Variants in ZNF616 observed in about 807,000 individuals in gnomAD.
The protein encoded by ZNF616 is zinc finger protein 616.
In ZNF616, 5 loss-of-function variants were observed where a neutral mutation model predicts 7.6. The observed-to-expected ratio is 0.66, with a 90% CI of 0.34 to 1.38. The LOEUF (loss-of-function observed/expected upper bound fraction) is 1.38, where lower values mean the gene tolerates loss of function less well. Ranked by LOEUF, ZNF616 falls within the 40% of genes most tolerant of loss-of-function variation. The pLI is 0.04. For missense variants in ZNF616, 913 were observed against 948.3 expected (o/e 0.96, Z 0.49); for synonymous variants, 319 against 317.2 (o/e 1.01, Z -0.06).
chr19:52,125,268 G>C (rs1407029275), intron 2 of ZNF616, among the ~76,000 whole-genome samples: 1 of 152,172 alleles, frequency 6.6e-6, no homozygotes, highest in African/African-American at 2.4e-5. Context: ...AGATATGGGT[G>C]AGACTCAAAA....
rs548933491 is a variant in ZNF616 at position 52,139,417 on chromosome 19, G to C, written c.-77+315C>G. On this transcript the variant is annotated intron_variant, in intron 1 of 3. Transcript: ENST00000600228. This position sits in a 1 kb window ranked among gnomAD's most constrained non-coding sequence, Gnocchi z 4.1. ...AGGACACTAGGTGGCGCGGGGGACG[G>C]TGTCTCAGGACAGGGAGGGTCTGCA... 1.8e-4 allele frequency among the ~76,000 whole-genome samples: 28 copies of C among 152,248 alleles called. No homozygotes were observed. The highest frequency in any genetic ancestry group is 6.7e-4 in the African/African-American group (28 of 41,528).
In ZNF616 at chr19:52,123,978, C is replaced by T; in HGVS notation, c.84G>A (p.Gln28=). 6.2e-7 allele frequency: 1 copy of T among 1,614,122 alleles called. No homozygotes were observed. The highest frequency in any genetic ancestry group is 1.3e-5 in the African/African-American group (1 of 75,048). The change falls in exon 3 of 4, where the codon CAG becomes CAA. Residue 28 remains glutamine, a synonymous_variant. Transcript: ENST00000600228. ...QEEWKCLEPV[Q]KALYKDVMLE... ...ACATCACATCCTTGTACAAAGCTTTCTGCACAGGCTCCAGGCATTTCCACT... is the reference window on the plus strand; with the variant it reads ...ACATCACATCCTTGTACAAAGCTTTTTGCACAGGCTCCAGGCATTTCCACT...
intron 1 of ZNF616, among the ~76,000 whole-genome samples, chr19:52,133,275 T>C (rs1487598125): frequency 6.6e-6 from 1 of 152,160 alleles, no homozygotes; most frequent in African/African-American, 2.4e-5. Context: ...AAGGAAACGA[T>C]AAGCTTTAGG....
At position 52,116,546 on chromosome 19, in the gene ZNF616, T is replaced by C. The variant is rs748000428; in HGVS notation, c.618A>G (p.Ile206Met). 2.3e-5 allele frequency: 37 copies of C among 1,614,024 alleles called. No homozygotes were observed. The highest frequency in any genetic ancestry group is 3.1e-5 in the Non-Finnish European group (37 of 1,180,030). ...ATTTGTAAGGTTTCTCTGTAGTATG[T>C]ATCCTCTGATGATTAATAAGGCTGG... ...ASSSLINHQR[I>M]HTTEKPYKCN... Residue 206 changes from isoleucine to methionine, a missense_variant, in exon 4 of 4, where the codon ATA (isoleucine) becomes ATG (methionine). Physicochemically the swap from Ile to Met is conservative, Grantham distance 10 (BLOSUM62 1). Transcript: ENST00000600228.
chr19:52,131,351 A>G (rs927304247), intron 1 of ZNF616, among the ~76,000 whole-genome samples: 3 of 151,924 alleles, frequency 2.0e-5, no homozygotes, highest in African/African-American at 7.3e-5. Flanking sequence ...TGGAAGGAGA[A>G]TCTCTATAAG....
At chr19:52,126,216 CT>C (rs1281442384) in intron 2 of ZNF616, among the ~76,000 whole-genome samples, 1 of 152,174 alleles carries the variant, frequency 6.6e-6, no homozygotes, top group African/African-American at 2.4e-5. Flanking sequence ...CAATTTACAT[CT>C]TGGCTTTGAA....
Position 52,116,405 on chromosome 19 carries a change from AT to A in ZNF616, c.758del (p.Asn253IlefsTer5). 1 of 1,611,728 alleles carries A rather than the reference AT, an allele frequency of 6.2e-7. No individual in the cohort carries two copies. Among genetic ancestry groups the A allele is most frequent in the Non-Finnish European group, 8.5e-7 (1 of 1,179,374 alleles). ...CDVCGKIFRKNSYFVRHQRSH... is the reference protein window; with the variant it reads ...CDVCGKIFRKXSYFVRHQRSH... ...TCCTTTGGTGTCTTACAAAATATGA[AT>A]TTTTTCTGAAGATCTTGCCACATAC... On this transcript the variant is annotated frameshift_variant, in exon 4 of 4. Coordinates refer to ENST00000600228, the MANE Select transcript of ZNF616 (RefSeq NM_178523.5). LOFTEE classifies it low-confidence loss of function (END_TRUNC).
At chr19:52,125,120 CA>C (rs2122156406) in intron 2 of ZNF616, among the ~76,000 whole-genome samples, 1 of 152,304 alleles carries the variant, frequency 6.6e-6, no homozygotes, top group South Asian at 2.1e-4. Context: ...CACAGCATTC[CA>C]TCTTGCCCCA....
chr19:52,116,482 G>A lies in ZNF616; in HGVS notation c.682C>T (p.Leu228=), dbSNP rs754268086. The part of the protein sequence containing the change: ...CGKAFHRASL[L]TVHKVVHTRG... ...GTATGGACTACCTTGTGTACAGTTA[G>A]TAGTGAGGCCCGATGAAAGGCTTTG... is the stretch of plus-strand genomic sequence containing the variant. The change falls in exon 4 of 4, where the codon CTA becomes TTA. Residue 228 remains leucine (L), a synonymous_variant. Coordinates refer to ENST00000600228, the MANE Select transcript of ZNF616 (RefSeq NM_178523.5). 6.2e-6 allele frequency: 10 copies of A among 1,613,988 alleles called. No individual in the cohort carries two copies. The highest frequency in any genetic ancestry group is 1.1e-5 in the South Asian group (1 of 91,084).
chr19:52,115,627 T>C lies in ZNF616; in HGVS notation c.1537A>G (p.Arg513Gly). The C allele has an allele frequency of 6.2e-7, 1 of 1,613,962 alleles. No individual in the cohort carries two copies. Among genetic ancestry groups the C allele is most frequent in the Non-Finnish European group, 8.5e-7 (1 of 1,179,958 alleles). ...SQHSRLAVHR[R>G]IHTGEKPYKC... Reference sequence around the variant, plus strand: ...TAAGGTTTCTCTCCAGTATGAATTCTCCGATGCACTGCAAGACGTGAATGT... The same window carrying C: ...TAAGGTTTCTCTCCAGTATGAATTCCCCGATGCACTGCAAGACGTGAATGT... Residue 513 changes from arginine (R) to glycine (G), a missense_variant, in exon 4 of 4, where the codon AGA becomes GGA. Transcript: ENST00000600228.
intron 2 of ZNF616, among the ~76,000 whole-genome samples, chr19:52,129,984 T>G (rs1214960862): frequency 6.6e-6 from 1 of 152,108 alleles, no homozygotes; most frequent in African/African-American, 2.4e-5. Context: ...GGTTTCACCA[T>G]GTTGGCTCAA....
At chr19:52,137,048 T>C (rs1273910915) in intron 1 of ZNF616, among the ~76,000 whole-genome samples, 2 of 78,836 alleles carry the variant, frequency 2.5e-5, no homozygotes, top group Non-Finnish European at 5.0e-5. Context: ...TATATTTATG[T>C]ATGTGTATAT....
At chr19:52,129,274 C>T (rs1158687561) in intron 2 of ZNF616, among the ~76,000 whole-genome samples, 3 of 151,890 alleles carry the variant, frequency 2.0e-5, no homozygotes, top group African/African-American at 4.8e-5. Context: ...AGCGAGACTC[C>T]GTACAAAACA....
At position 52,115,073 on chromosome 19, in the gene ZNF616, T is replaced by C; in HGVS notation, c.2091A>G (p.Val697=). Residue 697 remains valine (V), a synonymous_variant, in exon 4 of 4, where the codon GTA becomes GTG. Transcript: ENST00000600228. The part of the protein sequence containing the change: ...KPYKCDECGK[V]FRHSSHLVSH... ...TTACAAGATGTGAACTATGCCTGAA[T>C]ACCTTGCCACATTCATCACATTTAT... is the stretch of plus-strand genomic sequence containing the variant. 1 of 1,614,140 alleles carries C rather than the reference T, an allele frequency of 6.2e-7. No homozygotes were observed.
intron 2 of ZNF616, among the ~76,000 whole-genome samples, chr19:52,129,129 T>C (rs1468355603): frequency 2.0e-5 from 3 of 151,506 alleles, no homozygotes; most frequent in Admixed American, 2.0e-4. Context: ...AATACAAAAA[T>C]GAGCCAGGCG....
intron 1 of ZNF616, among the ~76,000 whole-genome samples, chr19:52,132,169 C>T (rs1469587352): frequency 1.3e-5 from 2 of 152,136 alleles, no homozygotes; most frequent in Admixed American, 1.3e-4. Flanking sequence ...GTCATATCTT[C>T]TCTATTTCAA....
At chr19:52,129,151 G>A (rs1304494955) in intron 2 of ZNF616, among the ~76,000 whole-genome samples, 3 of 151,844 alleles carry the variant, frequency 2.0e-5, no homozygotes, top group Non-Finnish European at 2.9e-5. Context: ...GGTGGTGCAC[G>A]CCTGTAATCC....
In ZNF616 at chr19:52,115,588, A is replaced by C. The variant is rs774157774; in HGVS notation, c.1576T>G (p.Cys526Gly). The change falls in exon 4 of 4, where the codon TGT becomes GGT. Residue 526 changes from cysteine (C) to glycine (G), a missense_variant. Coordinates refer to ENST00000600228, the MANE Select transcript of ZNF616 (RefSeq NM_178523.5). Reference protein sequence around the residue: ...TGEKPYKCKECGKVFSDRSAF... With the variant: ...TGEKPYKCKEGGKVFSDRSAF... ...GAACGGTCACTGAAGACCTTGCCAC[A>C]TTCTTTGCATTTGTAAGGTTTCTCT... 6.2e-7 allele frequency: 1 copy of C among 1,613,976 alleles called. No homozygotes were observed. Among genetic ancestry groups the C allele is most frequent in the South Asian group, 1.1e-5 (1 of 91,084 alleles).
intron 1 of ZNF616, among the ~76,000 whole-genome samples, 187 bp from the exon 2 acceptor site, chr19:52,130,775 C>A (rs924455680): frequency 6.6e-6 from 1 of 152,226 alleles, no homozygotes; most frequent in Non-Finnish European, 1.5e-5. Context: ...AGCATTAGCT[C>A]CCCTCTGGGA....
Sources: allele counts gnomAD v4.1 joint callset (sites outside exome capture counted in the v4.1 genomes callset), GRCh38; gene constraint gnomAD v4.1.1; non-coding constraint Gnocchi (gnomAD v3.1); transcripts MANE v1.5; gene names NCBI Gene and HGNC (gene_info 2026-07-23, HGNC 2026-07-21).